The following QKI variants were observed in gnomAD, a reference collection of about 807,000 sequenced individuals.
The protein encoded by QKI is QKI, KH domain containing RNA binding.
A neutral mutation model predicts 39.0 loss-of-function variants in QKI; 10 were observed. The ratio of observed to expected loss-of-function variants is 0.26; its 90% CI spans 0.16 to 0.43. The LOEUF (loss-of-function observed/expected upper bound fraction) is 0.43, where lower values mean the gene tolerates loss of function less well. Among genes scored for constraint, QKI ranks in the 20% least tolerant of loss-of-function variants. The pLI, the probability that QKI is intolerant of heterozygous loss-of-function variation, is 1.00. For missense variants in QKI, 218 were observed against 428.0 expected, an observed-to-expected ratio of 0.51 and a Z score of 4.33; for synonymous variants, 204 against 155.4, an observed-to-expected ratio of 1.31 and a Z score of -2.33.
chr6:163,480,750 G>A (rs1793015566), intron 3 of QKI, among the ~76,000 whole-genome samples: 1 of 152,176 alleles, frequency 6.6e-6, no homozygotes. Flanking sequence ...TGGTTCTCAT[G>A]TTTGGACTTA....
chr6:163,536,434 TGTTG>T (rs1781214120), intron 4 of QKI, among the ~76,000 whole-genome samples: 1 of 152,222 alleles, frequency 6.6e-6, no homozygotes, highest in Non-Finnish European at 1.5e-5. Context: ...ACAAAATATA[TGTTG>T]ATCAACTGTC....
At chr6:163,545,277 C>T (rs557389168) in intron 4 of QKI, among the ~76,000 whole-genome samples, 1 of 152,100 alleles carries the variant, frequency 6.6e-6, no homozygotes, top group South Asian at 2.1e-4. Context: ...TTTTTATATT[C>T]TATCTCCACA....
chr6:163,476,184 G>GATC (rs1451264987), intron 2 of QKI, among the ~76,000 whole-genome samples: 1 of 151,562 alleles, frequency 6.6e-6, no homozygotes, highest in African/African-American at 2.4e-5. Context: ...ATAAATATTG[G>GATC]AGAGGAAGTG....
chr6:163,505,751 T>C (rs935411627), intron 3 of QKI, among the ~76,000 whole-genome samples: 1 of 152,180 alleles, frequency 6.6e-6, no homozygotes, highest in Non-Finnish European at 1.5e-5. Flanking sequence ...CAGATGAGAC[T>C]CAGACTTTGA....
chr6:163,513,400 GATTA>G (rs1562501915), intron 3 of QKI, among the ~76,000 whole-genome samples: 2 of 152,132 alleles, frequency 1.3e-5, no homozygotes, highest in African/African-American at 2.4e-5. Context: ...CAAAAAAGCA[GATTA>G]ATTGACAGAG....
chr6:163,526,818 G>A (rs540701504), intron 3 of QKI, among the ~76,000 whole-genome samples: 1 of 152,114 alleles, frequency 6.6e-6, no homozygotes, highest in Non-Finnish European at 1.5e-5. Context: ...TCATCGTGGG[G>A]CCAGAATAGT....
chr6:163,533,409 A>G (rs1459139982), intron 3 of QKI, among the ~76,000 whole-genome samples: 1 of 152,214 alleles, frequency 6.6e-6, no homozygotes, highest in Non-Finnish European at 1.5e-5. Flanking sequence ...TTACTCTACA[A>G]ACAACTTTGA....
chr6:163,565,169 C>T, intron 6 of QKI: 2 of 991,628 alleles, frequency 2.0e-6, no homozygotes, highest in East Asian at 1.1e-4. Context: ...GTCTGTTGCA[C>T]ATTTCTTGAA....
intron 3 of QKI, among the ~76,000 whole-genome samples, chr6:163,529,475 T>G (rs971001931): frequency 6.6e-6 from 1 of 152,140 alleles, no homozygotes; most frequent in Non-Finnish European, 1.5e-5. Flanking sequence ...GGAGCAAACT[T>G]TCTAATAGCT....
chr6:163,419,189 G>C (rs1028026875), intron 1 of QKI, among the ~76,000 whole-genome samples: 2 of 151,974 alleles, frequency 1.3e-5, no homozygotes, highest in African/African-American at 2.4e-5. Flanking sequence ...TTAAATATAT[G>C]AGTAAAAATA....
chr6:163,417,035 TCTGA>T (rs1787574122), intron 1 of QKI, among the ~76,000 whole-genome samples: 1 of 152,204 alleles, frequency 6.6e-6, no homozygotes, highest in Non-Finnish European at 1.5e-5. Flanking sequence ...ACATACTCAA[TCTGA>T]CTGACCTATA....
intron 1 of QKI, among the ~76,000 whole-genome samples, chr6:163,453,783 GACAA>G (rs1187332414): frequency 2.0e-5 from 3 of 152,034 alleles, no homozygotes; most frequent in Non-Finnish European, 4.4e-5. Context: ...CGTAAGCTTT[GACAA>G]ACAAATTGTT....
intron 1 of QKI, among the ~76,000 whole-genome samples, chr6:163,450,065 ATTTC>A (rs1241019839): frequency 2.6e-5 from 4 of 151,570 alleles, no homozygotes; most frequent in Non-Finnish European, 5.9e-5. Context: ...ATATATATGT[ATTTC>A]TTTTTTGAGA....
intron 1 of QKI, among the ~76,000 whole-genome samples, chr6:163,434,088 C>T (rs1200623610): frequency 8.6e-5 from 13 of 151,448 alleles, no homozygotes; most frequent in Admixed American, 8.5e-4. Flanking sequence ...TTTTTTTAAT[C>T]CAGCTCTTTG....
chr6:163,556,902 TTAA>T (rs1782664646), intron 4 of QKI, among the ~76,000 whole-genome samples: 1 of 152,208 alleles, frequency 6.6e-6, no homozygotes, highest in Non-Finnish European at 1.5e-5. Flanking sequence ...TTGTTGTGCT[TTAA>T]TAATCTTTCC....
chr6:163,419,833 G>C (rs890167065), intron 1 of QKI, among the ~76,000 whole-genome samples: 9 of 152,124 alleles, frequency 5.9e-5, no homozygotes, highest in Admixed American at 4.6e-4. Flanking sequence ...AGTGTATTTT[G>C]GGATGAACAC....
At chr6:163,485,260 G>A (rs1777580649) in intron 3 of QKI, among the ~76,000 whole-genome samples, 1 of 152,134 alleles carries the variant, frequency 6.6e-6, no homozygotes, top group Admixed American at 6.5e-5. Flanking sequence ...GGAAAAGAAA[G>A]TAATTATGGT....
chr6:163,482,174 G>A (rs908701106), intron 3 of QKI, among the ~76,000 whole-genome samples: 6 of 152,110 alleles, frequency 3.9e-5, no homozygotes, highest in Non-Finnish European at 8.8e-5. Context: ...GACAGAACGA[G>A]ACTCTGTCTC....
At chr6:163,534,020 A>G (rs936343550) in intron 3 of QKI, among the ~76,000 whole-genome samples, 1 of 152,194 alleles carries the variant, frequency 6.6e-6, no homozygotes, top group South Asian at 2.1e-4. Flanking sequence ...AAAACAGCAG[A>G]TATTTATTGT....
Sources: allele counts gnomAD v4.1 joint callset (sites outside exome capture counted in the v4.1 genomes callset), GRCh38; gene constraint gnomAD v4.1.1; transcripts MANE v1.5; gene names NCBI Gene and HGNC (gene_info 2026-07-23, HGNC 2026-07-21).